ANO1: variants seen among roughly 807,000 people sequenced by gnomAD.
ANO1 encodes anoctamin-1.
A neutral mutation model predicts 124.0 loss-of-function variants in ANO1; 59 were observed. The observed-to-expected ratio is 0.48, with a 90% CI of 0.39 to 0.59. The LOEUF is 0.59. Ranked by LOEUF, ANO1 falls within the 20% of genes least tolerant of loss-of-function variation. The pLI, the probability that ANO1 is intolerant of heterozygous loss-of-function variation, is 0.00. For missense variants in ANO1, 1,059 were observed against 1,328.0 expected (o/e 0.80, Z 3.15); for synonymous variants, 529 against 532.0 (o/e 0.99, Z 0.08).
chr11:69,994,360 GTGGATGGATGGGTGGATGAA>G (rs11271659), intron 1 of ANO1, among the ~76,000 whole-genome samples: 40,722 of 151,464 alleles, frequency 0.27, 5,643 homozygotes, highest in East Asian at 0.44. Context: ...GGGTGGATGG[GTGGATGGATGGGTGGATGAA>G]TGGATGGATG....
chr11:70,139,392 C>A (rs2047068849), intron 11 of ANO1, among the ~76,000 whole-genome samples: 1 of 152,036 alleles, frequency 6.6e-6, no homozygotes, highest in Non-Finnish European at 1.5e-5. Context: ...GGCGCGATCT[C>A]AGCTCACTAC....
the ANO1 span, among the ~76,000 whole-genome samples, chr11:69,977,363 G>A: frequency 6.6e-6 from 1 of 152,206 alleles, no homozygotes; most frequent in Non-Finnish European, 1.5e-5. Flanking sequence ...ACGTGGTCAC[G>A]AATGGACAAG....
At chr11:69,971,788 C>G in the ANO1 span, among the ~76,000 whole-genome samples, 10 of 152,102 alleles carry the variant, frequency 6.6e-5, no homozygotes, top group African/African-American at 2.4e-4. Context: ...GTGTCCTCCC[C>G]GTGTGTTTAT....
At chr11:70,156,268 C>G (rs574458116) in intron 15 of ANO1, among the ~76,000 whole-genome samples, 1 of 152,126 alleles carries the variant, frequency 6.6e-6, no homozygotes, top group African/African-American at 2.4e-5. Context: ...TTGGTCTCCT[C>G]GTTAACATGC....
chr11:70,116,275 C>G (rs1360203193), intron 7 of ANO1, among the ~76,000 whole-genome samples, 183 bp from the exon 8 acceptor site: 1 of 152,216 alleles, frequency 6.6e-6, no homozygotes, highest in East Asian at 1.9e-4. Context: ...CGTGCACGGC[C>G]TTTCTATCAT....
chr11:69,997,522 C>T (rs1554998573), intron 1 of ANO1, among the ~76,000 whole-genome samples: 1 of 152,096 alleles, frequency 6.6e-6, no homozygotes, highest in Non-Finnish European at 1.5e-5. Context: ...GAAAAGCTCT[C>T]CCCCAGCCAC....
intron 11 of ANO1, among the ~76,000 whole-genome samples, chr11:70,133,013 G>A (rs890881137): frequency 6.6e-6 from 1 of 152,178 alleles, no homozygotes; most frequent in African/African-American, 2.4e-5. Flanking sequence ...GGGGGAGGCA[G>A]CATTTGTGGC....
Position 70,155,946 on chromosome 11 carries a change from A to G in ANO1, c.1461A>G (p.Lys487=). The G allele has an allele frequency of 6.5e-7, 1 of 1,541,444 alleles. No homozygotes were observed. The change falls in exon 15 of 26, where the codon AAA becomes AAG. Residue 487 remains lysine (K), a synonymous_variant. Coordinates refer to ENST00000355303, the MANE Select transcript of ANO1 (RefSeq NM_018043.7). The stretch of plus-strand genomic sequence containing the variant: ...ATATTCCAGAGGAGTCAACAAACAA[A>G]TGGAAGCAGAGGGTTAAGACAGCCA... The part of the protein sequence containing the change: ...RRHIPEESTN[K]WKQRVKTAMA...
At chr11:70,111,638 C>T (rs2045784048) in intron 6 of ANO1, 69 bp from the exon 7 acceptor site, 6 of 1,502,378 alleles carry the variant, frequency 4.0e-6, no homozygotes, top group Non-Finnish European at 5.6e-6. Context: ...CCTGTGACCG[C>T]TGTGACTTTA....
intron 1 of ANO1, among the ~76,000 whole-genome samples, chr11:70,041,812 T>C (rs532394348): frequency 1.3e-5 from 2 of 152,266 alleles, no homozygotes; most frequent in Non-Finnish European, 2.9e-5. Flanking sequence ...ATGTTTTCTT[T>C]CAAGAGGAAA....
At chr11:70,140,060 C>A (rs992713385) in intron 11 of ANO1, among the ~76,000 whole-genome samples, 1 of 152,192 alleles carries the variant, frequency 6.6e-6, no homozygotes, top group Non-Finnish European at 1.5e-5. Flanking sequence ...GGCTCTACAC[C>A]GGCTCTCTCT....
chr11:70,160,481 A>T (rs968676843), intron 16 of ANO1, among the ~76,000 whole-genome samples: 1 of 152,158 alleles, frequency 6.6e-6, no homozygotes, highest in African/African-American at 2.4e-5. Flanking sequence ...GTTTTATGGA[A>T]TGTTCTGGTC....
intron 22 of ANO1, among the ~76,000 whole-genome samples, chr11:70,179,501 A>AC (rs1162629804): frequency 1.3e-5 from 2 of 152,268 alleles, no homozygotes; most frequent in East Asian, 3.9e-4. Context: ...AGTAAAGGGA[A>AC]CAAGGGTGTG....
chr11:70,132,914 G>A lies in ANO1; in HGVS notation c.1258+835G>A, dbSNP rs143318566. ...TGTGAGCTCCCACCTTGTAGGAGAT[G>A]GGGCCAGGCACAGAGACAGCGCTGG... On this transcript the variant is annotated intron_variant, in intron 11 of 25. Transcript: ENST00000355303. Among the ~76,000 whole-genome samples the A allele has an allele frequency of 9.5e-3, 1,444 of 151,602 alleles. 18 individuals carry two copies. Among genetic ancestry groups the A allele is most frequent in the African/African-American group, 0.031 (1,264 of 41,344 alleles).
chr11:70,179,879 A>C, intron 22 of ANO1, 125 bp from the exon 23 acceptor site: 1 of 838,068 alleles, frequency 1.2e-6, no homozygotes, highest in South Asian at 1.5e-5. Context: ...TGGTTGCCAT[A>C]AGCCTCTGAC....
Position 70,008,999 on chromosome 11 carries a change from C to T in ANO1, c.58+22833C>T, listed in dbSNP as rs1392950498. ...GAGCGTGGCCCAGCCTCAGAGTTTCCAGGCAGACTAAGGCCTGTTCCACAT... is the reference window on the plus strand; with the variant it reads ...GAGCGTGGCCCAGCCTCAGAGTTTCTAGGCAGACTAAGGCCTGTTCCACAT... On this transcript the variant is annotated intron_variant, in intron 1 of 27. Coordinates refer to the ANO1 transcript ENST00000531349. Among the ~76,000 whole-genome samples the T allele has an allele frequency of 4.9e-4, 74 of 152,298 alleles. 1 individual carries two copies. The highest frequency in any genetic ancestry group is 7.3e-5 in the Non-Finnish European group (5 of 68,030).
intron 1 of ANO1, among the ~76,000 whole-genome samples, chr11:70,062,393 A>G (rs1157817720): frequency 1.3e-5 from 2 of 152,052 alleles, no homozygotes; most frequent in Non-Finnish European, 2.9e-5. Context: ...ATTTTTTTAA[A>G]TGATGAAAAT....
rs1226219418 is a variant in ANO1, at chr11:70,137,960, C to T, written c.1258+5881C>T. On this transcript the variant is annotated intron_variant, in intron 11 of 25. Transcript: ENST00000355303. ...GCTTTTTGAAATTTTGAAAACGTAG[C>T]CTTGGGTCCTAGGAGATTGAGCTTA... 1.4e-5 allele frequency among the ~76,000 whole-genome samples: 2 copies of T among 147,732 alleles called. 1 individual carries two copies. Among genetic ancestry groups the T allele is most frequent in the Non-Finnish European group, 3.0e-5 (2 of 66,342 alleles).
intron 1 of ANO1, among the ~76,000 whole-genome samples, chr11:70,033,804 G>A (rs4262750): frequency 1 from 152,032 of 152,322 alleles, 75,872 homozygotes; most frequent in Middle Eastern, 1. Context: ...TTAGAGTGGA[G>A]TCATTGCCAA....
Sources: gnomAD v4.1 joint callset for allele counts (sites outside exome capture counted in the v4.1 genomes callset) on GRCh38, gnomAD v4.1.1 for gene constraint, MANE v1.5 for transcripts, NCBI Gene and HGNC (gene_info 2026-07-23, HGNC 2026-07-21) for gene names.